The following CTNNA2 variants were observed in gnomAD, a reference collection of about 807,000 sequenced individuals.
CTNNA2 encodes the protein catenin alpha-2.
Under a neutral mutation model 101.0 loss-of-function variants are expected in CTNNA2, and 42 were observed. The observed-to-expected ratio is 0.42, with a 90% CI of 0.32 to 0.54. CTNNA2 has a LOEUF of 0.54. Ranked by LOEUF, CTNNA2 falls within the 20% of genes least tolerant of loss-of-function variation. The probability of loss-of-function intolerance (pLI) is 0.14; values close to 1 mark genes in which losing one functional copy is unlikely to be tolerated. For missense variants in CTNNA2, 871 were observed against 1,223.1 expected (o/e 0.71, Z 4.29); for synonymous variants, 450 against 456.4 (o/e 0.99, Z 0.18).
intron 1 of CTNNA2, among the ~76,000 whole-genome samples, chr2:79,591,599 T>G (rs926669826): frequency 6.6e-6 from 1 of 152,242 alleles, no homozygotes; most frequent in African/African-American, 2.4e-5. Context: ...AAATCATACA[T>G]AGAAAGAGCT....
intron 7 of CTNNA2, among the ~76,000 whole-genome samples, chr2:80,027,576 G>A (rs1330984483): frequency 1.3e-5 from 2 of 152,204 alleles, no homozygotes; most frequent in South Asian, 2.1e-4. Context: ...AAGAGAGGTT[G>A]AGGCTTATGC....
At chr2:80,138,905 C>A (rs1702843621) in intron 7 of CTNNA2, among the ~76,000 whole-genome samples, 1 of 151,826 alleles carries the variant, frequency 6.6e-6, no homozygotes, top group Non-Finnish European at 1.5e-5. Context: ...TTTTTGTGCC[C>A]CTCTCCCTTT....
chr2:80,637,934 G>T (rs968128078), intron 18 of CTNNA2, among the ~76,000 whole-genome samples: 2 of 152,170 alleles, frequency 1.3e-5, no homozygotes, highest in African/African-American at 4.8e-5. Context: ...ATGGCCTTCA[G>T]TACTTAGCAG....
chr2:80,212,636 A>G (rs1249329379), intron 7 of CTNNA2, among the ~76,000 whole-genome samples: 7 of 152,016 alleles, frequency 4.6e-5, no homozygotes, highest in Admixed American at 4.6e-4. Flanking sequence ...TTTATTGAGG[A>G]TTTTTGCATC....
chr2:79,261,775 G>A (rs12713983), intron 2 of CTNNA2, among the ~76,000 whole-genome samples: 1 of 152,042 alleles, frequency 6.6e-6, no homozygotes, highest in Admixed American at 6.5e-5. Flanking sequence ...AGGGATTCAG[G>A]CTTCAACCCA....
At chr2:80,378,583 T>G (rs1353109247) in intron 7 of CTNNA2, 2 of 152,144 alleles carry the variant, frequency 1.3e-5, no homozygotes, top group Non-Finnish European at 2.9e-5. Flanking sequence ...TAGGAGTTAT[T>G]GTCAACCTAC....
At chr2:79,243,644 A>G (rs909168732) in intron 2 of CTNNA2, among the ~76,000 whole-genome samples, 2 of 152,208 alleles carry the variant, frequency 1.3e-5, no homozygotes, top group African/African-American at 2.4e-5. Flanking sequence ...AATTCTAACC[A>G]TAATGCATTG....
chr2:79,603,172 G>C (rs1384169182), intron 1 of CTNNA2, among the ~76,000 whole-genome samples: 1 of 152,100 alleles, frequency 6.6e-6, no homozygotes. Flanking sequence ...AAGTTACTGA[G>C]TAAATGATGC....
At chr2:79,936,607 G>A (rs1413816635) in intron 7 of CTNNA2, among the ~76,000 whole-genome samples, 2 of 151,210 alleles carry the variant, frequency 1.3e-5, no homozygotes, top group Non-Finnish European at 2.9e-5. Context: ...AATTAAAGTT[G>A]TCTAAGGAAG....
intron 7 of CTNNA2, among the ~76,000 whole-genome samples, chr2:80,120,545 CT>C (rs1407483960): frequency 6.6e-6 from 1 of 152,214 alleles, no homozygotes; most frequent in African/African-American, 2.4e-5. Flanking sequence ...CTGCCTTTAA[CT>C]GGCTCTTTCT....
intron 7 of CTNNA2, among the ~76,000 whole-genome samples, chr2:80,020,168 T>C (rs1333467945): frequency 1.3e-5 from 2 of 152,170 alleles, no homozygotes; most frequent in Non-Finnish European, 2.9e-5. Flanking sequence ...ATATTTTCAT[T>C]TGCGGTATTG....
At chr2:80,595,249 T>C (rs1454185511) in intron 15 of CTNNA2, among the ~76,000 whole-genome samples, 2 of 151,822 alleles carry the variant, frequency 1.3e-5, no homozygotes, top group Non-Finnish European at 2.9e-5. Flanking sequence ...TTTGATACTG[T>C]TCTAAATGGA....
chr2:79,349,173 A>T (rs2104436758), intron 3 of CTNNA2, among the ~76,000 whole-genome samples: 1 of 152,322 alleles, frequency 6.6e-6, no homozygotes, highest in African/African-American at 2.4e-5. Flanking sequence ...GCAAGAGTGA[A>T]ATGTAAGTTT....
At chr2:80,552,523 G>A (rs1166119298) in intron 11 of CTNNA2, among the ~76,000 whole-genome samples, 1 of 152,160 alleles carries the variant, frequency 6.6e-6, no homozygotes, top group African/African-American at 2.4e-5. Flanking sequence ...ACCTGAATTG[G>A]AGAAGGTTGA....
rs146467973 is a variant in CTNNA2 at position 79,755,771 on chromosome 2, G to A, written c.298+11189G>A. 6.4e-3 allele frequency among the ~76,000 whole-genome samples: 970 copies of A among 152,230 alleles called. 10 individuals carry two copies. Among genetic ancestry groups the A allele is most frequent in the African/African-American group, 0.022 (916 of 41,516 alleles). On this transcript the variant is annotated intron_variant, in intron 3 of 18. Transcript: ENST00000402739. ...ATCGTTATCAACATCATTTTAATTA[G>A]TTAGGTCTCTTTGCCATGGAAAAGT... is the stretch of plus-strand genomic sequence containing the variant.
intron 3 of CTNNA2, among the ~76,000 whole-genome samples, chr2:79,793,352 C>G (rs181586647): frequency 6.6e-6 from 1 of 152,302 alleles, no homozygotes. Flanking sequence ...GGGGGTGAGA[C>G]AGAGCGACTC....
intron 2 of CTNNA2, among the ~76,000 whole-genome samples, chr2:79,299,360 C>T (rs188748566): frequency 7.2e-4 from 110 of 152,202 alleles, no homozygotes; most frequent in African/African-American, 2.5e-3. Context: ...TGTTTAGTGC[C>T]AGCGTCATAG....
At chr2:80,039,449 A>G (rs1695890114) in intron 7 of CTNNA2, among the ~76,000 whole-genome samples, 1 of 152,188 alleles carries the variant, frequency 6.6e-6, no homozygotes, top group Admixed American at 6.5e-5. Context: ...TCTTGGGAAT[A>G]TGTTCTCACT....
In CTNNA2 at chr2:79,323,923, A is replaced by G. The variant is rs140174702; in HGVS notation, c.-318+11127A>G. 3.5e-3 allele frequency among the ~76,000 whole-genome samples: 540 copies of G among 152,300 alleles called. 2 individuals are homozygous for G. Among genetic ancestry groups the G allele is most frequent in the African/African-American group, 0.012 (517 of 41,556 alleles). ...TATCTTGTTAACACCCTAAAGGAAA[A>G]ATCAGCATTTAAGAAGGAAAGAACC... On this transcript the variant is annotated intron_variant, in intron 3 of 21. Coordinates refer to the CTNNA2 transcript ENST00000466387.
Sources: allele counts gnomAD v4.1 joint callset (sites outside exome capture counted in the v4.1 genomes callset), GRCh38; gene constraint gnomAD v4.1.1; transcripts MANE v1.5; gene names NCBI Gene and HGNC (gene_info 2026-07-23, HGNC 2026-07-21).